Variants in CFAP92 observed in about 807,000 individuals in gnomAD.
The protein encoded by CFAP92 is cilia and flagella associated protein 92 (putative).
CFAP92 carries 86 observed loss-of-function variants against 106.3 expected under a neutral mutation model. That is an observed-to-expected ratio of 0.81 (90% CI 0.68 to 0.97). The LOEUF (loss-of-function observed/expected upper bound fraction) is 0.97. Among genes scored for constraint, CFAP92 ranks in the 50% least tolerant of loss-of-function variants. CFAP92 has a pLI of 0.00. For missense variants in CFAP92, 1,204 were observed against 1,283.8 expected (o/e 0.94, Z 0.95); for synonymous variants, 477 against 506.4 (o/e 0.94, Z 0.78).
At chr3:128,987,484 C>T (rs1943930928) in intron 4 of CFAP92, 132 bp downstream of exon 4, 1 of 741,006 alleles carries the variant, frequency 1.3e-6, no homozygotes, top group Non-Finnish European at 2.2e-6. Context: ...GGTGGGATGC[C>T]CTGCAACATC....
upstream of CFAP92, among the ~76,000 whole-genome samples, chr3:128,997,431 C>T (rs555139491): frequency 3.9e-5 from 6 of 152,182 alleles, no homozygotes; most frequent in Non-Finnish European, 8.8e-5. Context: ...ACATTTTCAT[C>T]CCCCTAATAA....
At chr3:128,976,897 T>TA (rs1943192025) in intron 6 of CFAP92, 82 bp downstream of exon 6, 1 of 1,121,824 alleles carries the variant, frequency 8.9e-7, no homozygotes, top group South Asian at 1.3e-5. Context: ...CTGGATTTAC[T>TA]AAAAAACCTA....
upstream of CFAP92, chr3:129,003,800 C>A: frequency 6.9e-7 from 1 of 1,457,474 alleles, no homozygotes; most frequent in Non-Finnish European, 9.0e-7. Context: ...GCAGGTCGGA[C>A]TCTGGAAGAG....
chr3:129,018,134 A>C, the CFAP92 span, among the ~76,000 whole-genome samples: 1 of 152,170 alleles, frequency 6.6e-6, no homozygotes, highest in Non-Finnish European at 1.5e-5. Context: ...TAATAGGATT[A>C]GTTATCTTAG....
chr3:128,951,784 G>T (rs1023116506), intron 9 of CFAP92, among the ~76,000 whole-genome samples: 7 of 152,114 alleles, frequency 4.6e-5, no homozygotes, highest in Non-Finnish European at 1.0e-4. Flanking sequence ...CCCCACCCCA[G>T]AAACAAAGGC....
intron 12 of CFAP92, among the ~76,000 whole-genome samples, chr3:128,921,487 T>C (rs2107686048): frequency 6.6e-6 from 1 of 152,322 alleles, no homozygotes; most frequent in East Asian, 1.9e-4. Context: ...TGCGATGGCA[T>C]TGGAGGTAAC....
At chr3:128,986,416 T>A in intron 4 of CFAP92, among the ~76,000 whole-genome samples, 1 of 152,034 alleles carries the variant, frequency 6.6e-6, no homozygotes, top group Admixed American at 6.6e-5. Context: ...ATTTTTAAAT[T>A]TTTTATAGAG....
At chr3:129,004,156 C>A (rs1485342379), upstream of CFAP92, 2 of 1,349,790 alleles carry the variant, frequency 1.5e-6, no homozygotes, top group East Asian at 3.1e-5. Context: ...TGCAATCCCC[C>A]TCCCACGCGC....
At chr3:128,959,890 A>C (rs952571631) in intron 9 of CFAP92, among the ~76,000 whole-genome samples, 1 of 152,224 alleles carries the variant, frequency 6.6e-6, no homozygotes, top group Non-Finnish European at 1.5e-5. Context: ...GATGGCCTGA[A>C]GTAACTGAAG....
intron 2 of CFAP92, 38 bp from the exon 3 acceptor site, chr3:128,988,956 C>T: frequency 6.5e-7 from 1 of 1,535,808 alleles, no homozygotes; most frequent in South Asian, 1.1e-5. Flanking sequence ...GTTTTAACCT[C>T]ATGTGGAAAA....
chr3:129,002,179 G>T, intron 1 of CFAP92: 1 of 1,489,102 alleles, frequency 6.7e-7, no homozygotes, highest in Non-Finnish European at 8.9e-7. Flanking sequence ...CGCCGCCGCC[G>T]CCCGCCCTGC....
intron 4 of CFAP92, among the ~76,000 whole-genome samples, chr3:128,978,884 C>T (rs1943339275): frequency 6.6e-6 from 1 of 152,192 alleles, no homozygotes; most frequent in African/African-American, 2.4e-5. Context: ...CCATTCAGGA[C>T]ATAGGCATGG....
the CFAP92 span, among the ~76,000 whole-genome samples, chr3:129,025,107 C>G: frequency 1.4e-3 from 213 of 152,178 alleles, 1 homozygote; most frequent in African/African-American, 4.5e-3. Context: ...CAGTTAAGTT[C>G]GGGCGCTTGT....
chr3:129,021,899 A>G, the CFAP92 span, among the ~76,000 whole-genome samples: 1 of 152,110 alleles, frequency 6.6e-6, no homozygotes, highest in African/African-American at 2.4e-5. Context: ...TTTTTGAAGT[A>G]CATCTGAAAA....
intron 7 of CFAP92, among the ~76,000 whole-genome samples, chr3:128,973,397 C>T (rs1942941753): frequency 6.6e-6 from 1 of 152,110 alleles, no homozygotes; most frequent in Non-Finnish European, 1.5e-5. Context: ...TGGCTCACAC[C>T]TGTAATCCCA....
At position 128,993,682 on chromosome 3, in the gene CFAP92, G is replaced by A. The variant is rs1414676051; in HGVS notation, c.-33+298C>T. The A allele has an allele frequency of 4.1e-5, 14 of 337,764 alleles. 1 individual carries two copies. Among genetic ancestry groups the A allele is most frequent in the Middle Eastern group, 1.0e-3 (1 of 990 alleles). The allele number at this position is 337,764 out of a possible 1,614,324, so 20.9% of individuals were successfully genotyped here. On this transcript the variant is annotated intron_variant, in intron 1 of 15. Transcript: ENST00000645291. ...AGGCGGGAGAGGGGACGTCTGCTCA[G>A]GCAGGCCTGCTGCGCCTAAGCACAA...
chr3:129,011,308 T>C, the CFAP92 span, among the ~76,000 whole-genome samples: 1 of 152,184 alleles, frequency 6.6e-6, no homozygotes. Flanking sequence ...CCCAACACTT[T>C]GGGAGGCCGA....
the CFAP92 span, among the ~76,000 whole-genome samples, chr3:129,025,281 G>A: frequency 4.6e-5 from 7 of 152,306 alleles, no homozygotes; most frequent in East Asian, 3.9e-4. Flanking sequence ...AGGGCTCACC[G>A]GCATTAGGGG....
At chr3:129,009,729 G>A in the CFAP92 span, among the ~76,000 whole-genome samples, 10 of 152,294 alleles carry the variant, frequency 6.6e-5, no homozygotes, top group East Asian at 1.9e-3. Context: ...TTTCTTGTCT[G>A]GGTAGAATAG....
Sources: allele counts gnomAD v4.1 joint callset (sites outside exome capture counted in the v4.1 genomes callset), GRCh38; gene constraint gnomAD v4.1.1; transcripts MANE v1.5; gene names NCBI Gene and HGNC (gene_info 2026-07-23, HGNC 2026-07-21).